EPHA6: variants seen among roughly 807,000 people sequenced by gnomAD.
EPHA6 encodes the protein ephrin type-A receptor 6.
EPHA6 carries 50 observed loss-of-function variants against 112.0 expected under a neutral mutation model. The ratio of observed to expected loss-of-function variants is 0.45; its 90% CI spans 0.36 to 0.56. The LOEUF (loss-of-function observed/expected upper bound fraction) is 0.56, where lower values mean the gene tolerates loss of function less well. EPHA6 is among the 20% of genes least tolerant of loss of function. The probability of loss-of-function intolerance (pLI) is 0.00; values close to 1 mark genes in which losing one functional copy is unlikely to be tolerated. For missense variants in EPHA6, 1,280 were observed against 1,417.4 expected (o/e 0.90, Z 1.56); for synonymous variants, 529 against 490.7 (o/e 1.08, Z -1.03).
At chr3:97,167,560 T>C (rs1407568023) in intron 3 of EPHA6, among the ~76,000 whole-genome samples, 1 of 152,152 alleles carries the variant, frequency 6.6e-6, no homozygotes, top group Non-Finnish European at 1.5e-5. Context: ...CTTAGACATG[T>C]CATTAATTTT....
At chr3:97,020,877 A>G (rs2044434013) in intron 3 of EPHA6, among the ~76,000 whole-genome samples, 1 of 152,102 alleles carries the variant, frequency 6.6e-6, no homozygotes, top group Non-Finnish European at 1.5e-5. Flanking sequence ...GGAGTTATTT[A>G]TATCCTACTG....
intron 14 of EPHA6, among the ~76,000 whole-genome samples, chr3:97,639,355 T>G (rs1312212637): frequency 6.6e-6 from 1 of 152,016 alleles, no homozygotes; most frequent in Non-Finnish European, 1.5e-5. Flanking sequence ...AAGGCCTTTA[T>G]TTTCTTTTAT....
At chr3:97,444,044 A>G (rs1357242730) in intron 6 of EPHA6, among the ~76,000 whole-genome samples, 1 of 152,174 alleles carries the variant, frequency 6.6e-6, no homozygotes, top group African/African-American at 2.4e-5. Context: ...AATGGAAATA[A>G]AAATATTACC....
At chr3:97,681,456 T>A (rs1469516772) in intron 14 of EPHA6, among the ~76,000 whole-genome samples, 1 of 152,044 alleles carries the variant, frequency 6.6e-6, no homozygotes, top group Non-Finnish European at 1.5e-5. Flanking sequence ...GAAAGGAAAT[T>A]AAATATCTTC....
intron 1 of EPHA6, among the ~76,000 whole-genome samples, chr3:96,848,484 G>A (rs1175997122): frequency 6.6e-6 from 1 of 151,930 alleles, no homozygotes; most frequent in Non-Finnish European, 1.5e-5. Flanking sequence ...AAAATTAGCT[G>A]GGTGTGTTAG....
intron 3 of EPHA6, among the ~76,000 whole-genome samples, chr3:97,133,458 A>C (rs1473736623): frequency 6.6e-6 from 1 of 152,064 alleles, no homozygotes; most frequent in Non-Finnish European, 1.5e-5. Context: ...CAGAATTTTC[A>C]ATAAATATTT....
chr3:97,557,213 T>C (rs1192652846), intron 11 of EPHA6, among the ~76,000 whole-genome samples: 2 of 152,074 alleles, frequency 1.3e-5, no homozygotes, highest in Admixed American at 6.6e-5. Flanking sequence ...TGTAGCAATT[T>C]AGAATTCTTC....
At chr3:97,005,459 T>G (rs1400200700) in intron 3 of EPHA6, among the ~76,000 whole-genome samples, 1 of 152,204 alleles carries the variant, frequency 6.6e-6, no homozygotes, top group Admixed American at 6.5e-5. Flanking sequence ...GTTTTGCACA[T>G]TGATTTTATA....
At chr3:97,164,062 T>G (rs1207507496) in intron 3 of EPHA6, among the ~76,000 whole-genome samples, 1 of 152,210 alleles carries the variant, frequency 6.6e-6, no homozygotes, top group Admixed American at 6.5e-5. Flanking sequence ...GAGCTTTTCT[T>G]TCTCCACTTC....
At chr3:97,288,592 A>G (rs2080559766) in intron 5 of EPHA6, among the ~76,000 whole-genome samples, 1 of 152,180 alleles carries the variant, frequency 6.6e-6, no homozygotes, top group South Asian at 2.1e-4. Context: ...GGGAATATGT[A>G]CACGTTAATG....
chr3:97,209,458 T>A (rs2077805874), intron 3 of EPHA6, among the ~76,000 whole-genome samples: 1 of 152,148 alleles, frequency 6.6e-6, no homozygotes, highest in Non-Finnish European at 1.5e-5. Flanking sequence ...TCTCCCTATT[T>A]GTAAAATGAG....
At chr3:97,058,748 TA>T (rs2045929854) in intron 3 of EPHA6, among the ~76,000 whole-genome samples, 1 of 152,216 alleles carries the variant, frequency 6.6e-6, no homozygotes, top group African/African-American at 2.4e-5. Context: ...CTTTGAAAAA[TA>T]TATAAAGATC....
At chr3:97,693,416 G>A (rs1160056384) in intron 14 of EPHA6, among the ~76,000 whole-genome samples, 1 of 152,162 alleles carries the variant, frequency 6.6e-6, no homozygotes, top group Non-Finnish European at 1.5e-5. Context: ...AAGGACAATT[G>A]TTTCTAGTAT....
chr3:97,324,445 CTTT>C (rs1232799516), intron 5 of EPHA6, among the ~76,000 whole-genome samples: 63 of 147,058 alleles, frequency 4.3e-4, no homozygotes, highest in Non-Finnish European at 8.2e-4. Flanking sequence ...TTCTTTCTTT[CTTT>C]CTTTCTTTCT....
chr3:97,745,634 C>T (rs1386745365), intron 16 of EPHA6: 1 of 176,054 alleles, frequency 5.7e-6, no homozygotes, highest in Non-Finnish European at 1.2e-5. Flanking sequence ...AATCTCTCTT[C>T]ACCCCACCTC....
intron 3 of EPHA6, among the ~76,000 whole-genome samples, chr3:97,127,442 G>T (rs1184723232): frequency 6.6e-6 from 1 of 152,042 alleles, no homozygotes; most frequent in Non-Finnish European, 1.5e-5. Flanking sequence ...CTTCCCGGCT[G>T]GGCACTGTGG....
chr3:97,087,267 T>G lies in EPHA6; in HGVS notation c.1114+99274T>G, dbSNP rs74744928. 8.2e-3 allele frequency among the ~76,000 whole-genome samples: 1,246 copies of G among 152,166 alleles called. 13 individuals are homozygous for G. Among genetic ancestry groups the G allele is most frequent in the Non-Finnish European group, 0.013 (851 of 67,996 alleles). On this transcript the variant is annotated intron_variant, in intron 3 of 17. Coordinates refer to ENST00000389672, the MANE Select transcript of EPHA6 (RefSeq NM_001080448.3). ...GACTGCAACAGTCACTAGAGGACCT[T>G]GATGGGGATGTTGTGTCTAGACTTC...
intron 5 of EPHA6, among the ~76,000 whole-genome samples, chr3:97,402,828 C>A (rs1011111828): frequency 6.6e-6 from 1 of 152,198 alleles, no homozygotes; most frequent in African/African-American, 2.4e-5. Context: ...CTTAGAAAAA[C>A]CAAACTTGTC....
chr3:97,536,442 C>T (rs553546651), intron 11 of EPHA6, among the ~76,000 whole-genome samples: 1 of 152,244 alleles, frequency 6.6e-6, no homozygotes, highest in South Asian at 2.1e-4. Flanking sequence ...AATCCTAAAT[C>T]CAGTAAAGAG....
Sources: allele counts gnomAD v4.1 joint callset (sites outside exome capture counted in the v4.1 genomes callset), GRCh38; gene constraint gnomAD v4.1.1; transcripts MANE v1.5; gene names NCBI Gene and HGNC (gene_info 2026-07-23, HGNC 2026-07-21).